ENOPH1: variants seen among roughly 807,000 people sequenced by gnomAD.
The protein encoded by ENOPH1 is enolase-phosphatase E1.
ENOPH1 carries 14 observed loss-of-function variants against 31.1 expected under a neutral mutation model. The observed-to-expected ratio is 0.45, with a 90% CI of 0.30 to 0.70. ENOPH1 has a LOEUF of 0.70. ENOPH1 is among the 30% of genes least tolerant of loss of function. The probability of loss-of-function intolerance (pLI) is 0.09; values close to 1 mark genes in which losing one functional copy is unlikely to be tolerated. For missense variants in ENOPH1, 243 were observed against 321.5 expected, an observed-to-expected ratio of 0.76 and a Z score of 1.87; for synonymous variants, 127 against 123.2, an observed-to-expected ratio of 1.03 and a Z score of -0.21.
chr4:82,451,812 G>T lies in ENOPH1; in HGVS notation c.389+567G>T, dbSNP rs575370163. On this transcript the variant is annotated intron_variant, in intron 3 of 5. Coordinates refer to ENST00000273920, the MANE Select transcript of ENOPH1 (RefSeq NM_021204.5). ...AGAAATTCTTGATTGATTCAGACAG[G>T]GTCCTACTCTGTTGGCTGGAGTGCA... Among the ~76,000 whole-genome samples, 5 of 152,142 alleles carry T rather than the reference G, an allele frequency of 3.3e-5. No homozygotes were observed. The East Asian group carries it at 9.7e-4, about 29-fold the overall frequency.
rs1291799852 is a variant in ENOPH1 at position 82,430,600 on chromosome 4, C to G, written c.-230C>G. The G allele has an allele frequency of 1.1e-5, 6 of 522,134 alleles. No individual in the cohort carries two copies. Among genetic ancestry groups the G allele is most frequent in the African/African-American group, 1.0e-4 (5 of 49,922 alleles). The allele number at this position is 522,134 out of a possible 1,614,324, so 32.3% of individuals were successfully genotyped here. A position where few individuals can be genotyped will look rare whatever the true frequency, so the allele number is the denominator to read the frequency against. On this transcript the variant is annotated 5_prime_UTR_variant, in exon 1 of 6. Coordinates refer to ENST00000273920, the MANE Select transcript of ENOPH1 (RefSeq NM_021204.5). ...TTTCCTGCCCACGTGGTCTCGGGCT[C>G]CTGCCCCGTCCTGCTCACGAGTTCA...
intron 1 of ENOPH1, among the ~76,000 whole-genome samples, chr4:82,433,535 T>C (rs949715922): frequency 6.6e-6 from 1 of 152,214 alleles, no homozygotes; most frequent in Admixed American, 6.5e-5. Flanking sequence ...TCTATTATTA[T>C]AATTTGTTAG....
At chr4:82,450,207 G>A (rs955272532) in intron 2 of ENOPH1, among the ~76,000 whole-genome samples, 1 of 152,158 alleles carries the variant, frequency 6.6e-6, no homozygotes, top group African/African-American at 2.4e-5. Flanking sequence ...CTTACTTAAT[G>A]TTGTCTTTAG....
chr4:82,438,098 G>T (rs1383704305), intron 1 of ENOPH1, among the ~76,000 whole-genome samples: 1 of 152,174 alleles, frequency 6.6e-6, no homozygotes, highest in Non-Finnish European at 1.5e-5. Flanking sequence ...AGTGAAATAT[G>T]TTATTTATAG....
At chr4:82,455,454 C>T (rs1327001610) in intron 4 of ENOPH1, among the ~76,000 whole-genome samples, 2 of 152,174 alleles carry the variant, frequency 1.3e-5, no homozygotes, top group Non-Finnish European at 2.9e-5. Context: ...AGGTTACTTA[C>T]AATAGGTAAC....
chr4:82,456,086 A>G (rs1357229383), intron 4 of ENOPH1, among the ~76,000 whole-genome samples: 1 of 151,946 alleles, frequency 6.6e-6, no homozygotes, highest in African/African-American at 2.4e-5. Flanking sequence ...GACAATCATG[A>G]CAGGACAAAA....
intron 2 of ENOPH1, 48 bp downstream of exon 2, chr4:82,448,069 T>G (rs1722241520): frequency 1.5e-6 from 2 of 1,319,646 alleles, no homozygotes; most frequent in East Asian, 4.6e-5. Flanking sequence ...GAAATGAGGG[T>G]ACCTGGAGAT....
At chr4:82,433,221 T>C (rs1721822096) in intron 1 of ENOPH1, among the ~76,000 whole-genome samples, 1 of 152,142 alleles carries the variant, frequency 6.6e-6, no homozygotes, top group Non-Finnish European at 1.5e-5. Flanking sequence ...TCATACAAAA[T>C]CAATTTTGCA....
intron 1 of ENOPH1, among the ~76,000 whole-genome samples, chr4:82,442,457 T>C (rs1560464348): frequency 2.6e-5 from 4 of 152,052 alleles, no homozygotes; most frequent in Non-Finnish European, 5.9e-5. Context: ...GAGGTGGAGG[T>C]TGCAGTGAGC....
intron 1 of ENOPH1, among the ~76,000 whole-genome samples, chr4:82,446,662 CTT>C (rs34342267): frequency 1.3e-5 from 1 of 74,760 alleles, no homozygotes. Flanking sequence ...TTGCACATCA[CTT>C]TTTTTTTTTT....
At position 82,450,968 on chromosome 4, in the gene ENOPH1, G is replaced by GT. The variant is rs542011365; in HGVS notation, c.187-70dup. ...ATGATGGAGAAAGTTGTTCTGCTGGGTTTTTGGGTCTCGTTTTAAATGACT... is the reference window on the plus strand; with the variant it reads ...ATGATGGAGAAAGTTGTTCTGCTGGGTTTTTTGGGTCTCGTTTTAAATGACT... On this transcript the variant is annotated intron_variant, in intron 2 of 5. Coordinates refer to ENST00000273920, the MANE Select transcript of ENOPH1 (RefSeq NM_021204.5). The GT allele has an allele frequency of 4.1e-3, 5,270 of 1,287,170 alleles. 26 individuals carry two copies. The highest frequency in any genetic ancestry group is 6.7e-3 in the South Asian group (523 of 77,814). 79.7% of individuals were successfully genotyped at this position (1,287,170 alleles called of 1,614,324 possible).
At chr4:82,432,447 C>T (rs541842310) in intron 1 of ENOPH1, among the ~76,000 whole-genome samples, 4 of 152,254 alleles carry the variant, frequency 2.6e-5, no homozygotes, top group African/African-American at 4.8e-5. Context: ...CAGCTTCAAG[C>T]GATTCTTCTG....
intron 2 of ENOPH1, among the ~76,000 whole-genome samples, chr4:82,450,478 A>G (rs1722320694): frequency 6.6e-6 from 1 of 152,166 alleles, no homozygotes; most frequent in Non-Finnish European, 1.5e-5. Context: ...ATAGTCCCCC[A>G]TTATTGTATA....
intron 3 of ENOPH1, among the ~76,000 whole-genome samples, chr4:82,451,463 G>T (rs1722349753): frequency 6.6e-6 from 1 of 152,180 alleles, no homozygotes; most frequent in Non-Finnish European, 1.5e-5. Context: ...TGGTCTTGTG[G>T]GTTGATTGAA....
chr4:82,441,846 T>C (rs1036308982), intron 1 of ENOPH1, among the ~76,000 whole-genome samples: 1 of 152,190 alleles, frequency 6.6e-6, no homozygotes, highest in South Asian at 2.1e-4. Context: ...ATTTTCCTAA[T>C]ACTATTATCA....
rs575940266 is a variant in ENOPH1, at chr4:82,438,275, G to C, written c.84+7362G>C. 9.8e-4 allele frequency among the ~76,000 whole-genome samples: 149 copies of C among 152,288 alleles called. 1 individual carries two copies. The highest frequency in any genetic ancestry group is 3.4e-3 in the African/African-American group (143 of 41,548). ...CCTGCCATCCAGAGGTGACCATTAA[G>C]AGTTTGGTGAATATTCCTTCTGTTT... On this transcript the variant is annotated intron_variant, in intron 1 of 5. Coordinates refer to ENST00000273920, the MANE Select transcript of ENOPH1 (RefSeq NM_021204.5).
chr4:82,435,969 A>G (rs1320763266), intron 1 of ENOPH1, among the ~76,000 whole-genome samples: 2 of 152,224 alleles, frequency 1.3e-5, no homozygotes, highest in Non-Finnish European at 2.9e-5. Context: ...ACGAAGTCCT[A>G]TAGAAACACT....
chr4:82,430,616 C>A lies in ENOPH1; in HGVS notation c.-214C>A. Reference sequence around the variant, plus strand: ...TCTCGGGCTCCTGCCCCGTCCTGCTCACGAGTTCAGGGCTCCTGGGCGGCC... The same window carrying A: ...TCTCGGGCTCCTGCCCCGTCCTGCTAACGAGTTCAGGGCTCCTGGGCGGCC... On this transcript the variant is annotated 5_prime_UTR_variant, in exon 1 of 6. Transcript: ENST00000273920. 1.8e-6 allele frequency: 1 copy of A among 563,274 alleles called. No homozygotes were observed. Among genetic ancestry groups the A allele is most frequent in the Non-Finnish European group, 3.2e-6 (1 of 314,992 alleles). 34.9% of individuals were successfully genotyped at this position (563,274 alleles called of 1,614,324 possible).
chr4:82,460,104 T>C lies in ENOPH1; in HGVS notation c.770T>C (p.Leu257Pro). ...ATCACATCCTTCAGTGAACTATACC[T>C]GCCTTCCTCAACCTAGAGAAGGGTT... is the stretch of plus-strand genomic sequence containing the variant. ...SLITSFSELYLPSST is the reference protein window; with the variant it reads ...SLITSFSELYPPSST The change falls in exon 6 of 6, where the codon CTG becomes CCG. Residue 257 changes from leucine (L) to proline (P), a missense_variant. Coordinates refer to ENST00000273920, the MANE Select transcript of ENOPH1 (RefSeq NM_021204.5). The C allele has an allele frequency of 1.2e-6, 2 of 1,614,248 alleles. No homozygotes were observed. Among genetic ancestry groups the C allele is most frequent in the East Asian group, 2.2e-5 (1 of 44,892 alleles).
Sources: allele counts gnomAD v4.1 joint callset (sites outside exome capture counted in the v4.1 genomes callset), GRCh38; gene constraint gnomAD v4.1.1; transcripts MANE v1.5; gene names NCBI Gene and HGNC (gene_info 2026-07-23, HGNC 2026-07-21).